The following NSF variants were observed in gnomAD, a reference collection of about 807,000 sequenced individuals.
The protein encoded by NSF is N-ethylmaleimide sensitive factor, vesicle fusing ATPase.
Under a neutral mutation model 50.3 loss-of-function variants are expected in NSF, and 14 were observed. That is an observed-to-expected ratio of 0.28 (90% CI 0.18 to 0.44). The LOEUF (loss-of-function observed/expected upper bound fraction) is 0.44, where lower values mean the gene tolerates loss of function less well. Ranked by LOEUF, NSF falls within the 20% of genes least tolerant of loss-of-function variation. NSF has a pLI of 1.00. For missense variants in NSF, 218 were observed against 504.3 expected (o/e 0.43, Z 5.44); for synonymous variants, 109 against 175.7 (o/e 0.62, Z 3.00).
chr17:46,710,347 T>C lies in NSF; in HGVS notation c.1471-616T>C, dbSNP rs74829468. Among the ~76,000 whole-genome samples, 495 of 152,342 alleles carry C rather than the reference T, an allele frequency of 3.2e-3. 5 individuals are homozygous for C. The highest frequency in any genetic ancestry group is 0.012 in the African/African-American group (479 of 41,580). On this transcript the variant is annotated intron_variant, in intron 13 of 20. Transcript: ENST00000398238. ...GAAGGGTGCAATTTAAGCTCCAATA[T>C]GTAGTGAACACAAATAGAATTATTA...
At chr17:46,731,472 A>G (rs2058948073) in intron 17 of NSF, among the ~76,000 whole-genome samples, 1 of 152,158 alleles carries the variant, frequency 6.6e-6, no homozygotes, top group Non-Finnish European at 1.5e-5. Context: ...TACACTTTAA[A>G]TGGGTAAACT....
intron 17 of NSF, among the ~76,000 whole-genome samples, chr17:46,733,442 G>C (rs900607264): frequency 5.9e-5 from 9 of 152,208 alleles, no homozygotes; most frequent in Non-Finnish European, 1.2e-4. Flanking sequence ...ACAAGTGTGA[G>C]AGTAGTTAAG....
intron 15 of NSF, among the ~76,000 whole-genome samples, chr17:46,714,525 T>TG (rs2058749718): frequency 6.6e-6 from 1 of 152,210 alleles, no homozygotes; most frequent in South Asian, 2.1e-4. Flanking sequence ...TTAATTAACA[T>TG]GGCCACTTTC....
rs1449910828 is a variant in NSF at position 46,722,090 on chromosome 17, G to A, written c.1762-4459G>A. Reference sequence around the variant, plus strand: ...CGAGTTCATCTCCAGCTCCAGAAGAGCCTGGGAGATGGCCGGACTCGAACT... The same window carrying A: ...CGAGTTCATCTCCAGCTCCAGAAGAACCTGGGAGATGGCCGGACTCGAACT... On this transcript the variant is annotated intron_variant, in intron 15 of 20. Coordinates refer to ENST00000398238, the MANE Select transcript of NSF (RefSeq NM_006178.4). The A allele has an allele frequency of 9.9e-6, 16 of 1,610,846 alleles. No homozygotes were observed. In the East Asian group the frequency reaches 2.9e-4, roughly 29 times the overall value.
chr17:46,612,262 G>A (rs2058024366), intron 1 of NSF, among the ~76,000 whole-genome samples: 1 of 80,814 alleles, frequency 1.2e-5, no homozygotes, highest in African/African-American at 5.6e-5. Context: ...TAAGGAAGTA[G>A]AGAAATTGGA....
chr17:46,749,943 A>G, intron 18 of NSF, 36 bp downstream of exon 18: 1 of 1,601,418 alleles, frequency 6.2e-7, no homozygotes, highest in Non-Finnish European at 8.5e-7. Flanking sequence ...ACTGTTTATA[A>G]GAAAGGAATT....
At chr17:46,730,559 T>G (rs1391098812) in intron 17 of NSF, among the ~76,000 whole-genome samples, 1 of 152,188 alleles carries the variant, frequency 6.6e-6, no homozygotes, top group Non-Finnish European at 1.5e-5. Context: ...GTTGTAAAAC[T>G]TATTGTAAGA....
At chr17:46,749,287 T>C (rs2059159976) in intron 17 of NSF, among the ~76,000 whole-genome samples, 1 of 152,196 alleles carries the variant, frequency 6.6e-6, no homozygotes, top group East Asian at 1.9e-4. Flanking sequence ...ATGTGACAAT[T>C]ATGGAAAGCA....
chr17:46,715,483 T>C (rs1018077912), intron 15 of NSF, among the ~76,000 whole-genome samples: 3 of 152,244 alleles, frequency 2.0e-5, no homozygotes, highest in Non-Finnish European at 2.9e-5. Flanking sequence ...TCCTAAATCA[T>C]CTATTCCTGT....
intron 10 of NSF, among the ~76,000 whole-genome samples, chr17:46,693,439 A>ACACATAATAGT (rs2058565803): frequency 6.6e-6 from 1 of 151,968 alleles, no homozygotes; most frequent in African/African-American, 2.4e-5. Flanking sequence ...AGTGCGTTTC[A>ACACATAATAGT]GATCCTACAT....
intron 19 of NSF, among the ~76,000 whole-genome samples, chr17:46,751,949 C>CT (rs1476824145): frequency 6.6e-6 from 1 of 152,188 alleles, no homozygotes; most frequent in Non-Finnish European, 1.5e-5. Flanking sequence ...GAGCCACAGG[C>CT]TGTCAGTGAA....
intron 13 of NSF, among the ~76,000 whole-genome samples, chr17:46,708,560 C>T (rs1377517505): frequency 2.0e-4 from 28 of 136,796 alleles, no homozygotes; most frequent in African/African-American, 7.1e-4. Flanking sequence ...GGCACAATCT[C>T]GGCTCACTGC....
intron 2 of NSF, among the ~76,000 whole-genome samples, chr17:46,625,792 C>T (rs2058092694): frequency 9.4e-6 from 1 of 105,948 alleles, no homozygotes. Context: ...GCCTGTAGTC[C>T]CAACTACTTT....
intron 15 of NSF, among the ~76,000 whole-genome samples, chr17:46,714,953 G>T (rs1284417358): frequency 2.6e-5 from 4 of 152,208 alleles, no homozygotes; most frequent in Admixed American, 2.6e-4. Context: ...TTATAAAGAT[G>T]TATTGTAGAA....
At chr17:46,752,365 C>T (rs1489548415) in intron 19 of NSF, among the ~76,000 whole-genome samples, 1 of 152,154 alleles carries the variant, frequency 6.6e-6, no homozygotes, top group South Asian at 2.1e-4. Flanking sequence ...CCTATCAAGC[C>T]CTATGAGTTC....
In NSF at chr17:46,756,462, C is replaced by T. The variant is rs2059235113; in HGVS notation, c.*639C>T. ...TCTTAATAGAAAGTCAGATGACTAC[C>T]GTGTTGGTTGTGACTTCCCCTTAAG... On this transcript the variant is annotated 3_prime_UTR_variant, in exon 21 of 21. Coordinates refer to ENST00000398238, the MANE Select transcript of NSF (RefSeq NM_006178.4). The T allele has an allele frequency of 2.0e-5, 3 of 152,162 alleles. No individual in the cohort carries two copies. Among genetic ancestry groups the T allele is most frequent in the Admixed American group, 1.3e-4 (2 of 15,270 alleles). 9.4% of individuals were successfully genotyped at this position (152,162 alleles called of 1,614,324 possible).
Position 46,710,966 on chromosome 17 carries a change from T to C in NSF, c.1474T>C (p.Phe492Leu). The C allele has an allele frequency of 1.3e-6, 2 of 1,590,030 alleles. No individual in the cohort carries two copies. The highest frequency in any genetic ancestry group is 1.4e-5 in the African/African-American group (1 of 73,602). ...ASLENDIKPAFGTNQEDYASY... is the reference protein window; with the variant it reads ...ASLENDIKPALGTNQEDYASY... ...TTAGACTCCTTTTTCTTAATAGGCC[T>C]TTGGCACAAACCAAGAAGATTATGC... Residue 492 changes from phenylalanine (F) to leucine (L), a missense_variant, in exon 14 of 21, where the codon TTT (phenylalanine) becomes CTT (leucine). Coordinates refer to ENST00000398238, the MANE Select transcript of NSF (RefSeq NM_006178.4).
chr17:46,731,096 T>G (rs1182109442), intron 17 of NSF, among the ~76,000 whole-genome samples: 1 of 152,148 alleles, frequency 6.6e-6, no homozygotes, highest in Non-Finnish European at 1.5e-5. Context: ...GCAGCATTAT[T>G]CATAACTAAA....
At chr17:46,723,308 A>C (rs1332449544) in intron 15 of NSF, among the ~76,000 whole-genome samples, 1 of 152,210 alleles carries the variant, frequency 6.6e-6, no homozygotes, top group Non-Finnish European at 1.5e-5. Flanking sequence ...CTTTTAGTAG[A>C]ATTCTGAAAA....
Sources: gnomAD v4.1 joint callset for allele counts (sites outside exome capture counted in the v4.1 genomes callset) on GRCh38, gnomAD v4.1.1 for gene constraint, MANE v1.5 for transcripts, NCBI Gene and HGNC (gene_info 2026-07-23, HGNC 2026-07-21) for gene names.